ZNF106: variants seen among roughly 807,000 people sequenced by gnomAD.
The protein encoded by ZNF106 is zinc finger protein 106, also known as SH3-domain binding protein 3.
ZNF106 carries 67 observed loss-of-function variants against 195.1 expected under a neutral mutation model. The ratio of observed to expected loss-of-function variants is 0.34; its 90% CI spans 0.28 to 0.42. The LOEUF (loss-of-function observed/expected upper bound fraction) is 0.42, where lower values mean the gene tolerates loss of function less well. ZNF106 is among the 10% of genes least tolerant of loss of function. The pLI is 1.00. For synonymous variants in ZNF106, 784 were observed against 818.6 expected, an observed-to-expected ratio of 0.96 and a Z score of 0.72; for missense variants, 2,118 against 2,304.5, an observed-to-expected ratio of 0.92 and a Z score of 1.66.
At chr15:42,461,465 T>G (rs954853040) in intron 3 of ZNF106, among the ~76,000 whole-genome samples, 2 of 152,248 alleles carry the variant, frequency 1.3e-5, no homozygotes, top group African/African-American at 4.8e-5. Context: ...ACTCTCTCCA[T>G]AAGCTTTTCT....
chr15:42,457,046 C>T lies in ZNF106; in HGVS notation c.229G>A (p.Glu77Lys). ...HKDNVDAQER[E>K]DDGKGEEEEE... ...TCTTCCTCTCCTTTTCCATCATCTT[C>T]TCTTTCCTGGGCATCAACGTTATCT... The change falls in exon 4 of 22, where the codon GAA becomes AAA. Residue 77 changes from glutamate (E) to lysine (K), a missense_variant. By Grantham distance (56) the Glu-to-Lys change is moderately conservative (BLOSUM62 1). Transcript: ENST00000564754. 1 of 1,610,680 alleles carries T rather than the reference C, an allele frequency of 6.2e-7. No homozygotes were observed. The highest frequency in any genetic ancestry group is 8.5e-7 in the Non-Finnish European group (1 of 1,178,130).
Position 42,482,533 on chromosome 15 carries a change from T to G in ZNF106, c.-33+8447A>C, listed in dbSNP as rs866713650. On this transcript the variant is annotated intron_variant, in intron 1 of 21. Transcript: ENST00000564754. The stretch of plus-strand genomic sequence containing the variant: ...AGATGAAATCTCCAGTTTTTTTTTT[T>G]TTTTTTTTTTTTTGAGATGGAGTCT... 3.1e-4 allele frequency among the ~76,000 whole-genome samples: 43 copies of G among 138,964 alleles called. 1 individual carries two copies. The highest frequency in any genetic ancestry group is 5.7e-4 in the Non-Finnish European group (37 of 64,504). 91.2% of individuals were successfully genotyped at this position (138,964 alleles called of 152,430 possible).
chr15:42,477,496 T>G (rs1237961142), intron 1 of ZNF106, among the ~76,000 whole-genome samples: 1 of 152,190 alleles, frequency 6.6e-6, no homozygotes, highest in Non-Finnish European at 1.5e-5. Context: ...GTAGCTCACG[T>G]CTGTAATCCC....
At chr15:42,473,398 T>A (rs1315465453) in intron 1 of ZNF106, among the ~76,000 whole-genome samples, 1 of 152,216 alleles carries the variant, frequency 6.6e-6, no homozygotes, top group Non-Finnish European at 1.5e-5. Context: ...ATCATTCGCA[T>A]GCCCTCCCGT....
rs541253855 is a variant in ZNF106 at position 42,412,979 on chromosome 15, A to G, written c.*4325T>C. On this transcript the variant is annotated 3_prime_UTR_variant, in exon 22 of 22. Transcript: ENST00000564754. ...TCATCTGATTTCATTCTTCTAATCC[A>G]TATTCAATATTAAAAAAATCAGAAA... 7 of 152,278 alleles carry G rather than the reference A, an allele frequency of 4.6e-5. No homozygotes were observed. The highest frequency in any genetic ancestry group is 1.2e-4 in the African/African-American group (5 of 41,546). The allele number at this position is 152,278 out of a possible 1,614,324, so 9.4% of individuals were successfully genotyped here.
intron 14 of ZNF106, among the ~76,000 whole-genome samples, chr15:42,432,918 G>T (rs562342302): frequency 1.5e-3 from 226 of 152,050 alleles, no homozygotes; most frequent in South Asian, 5.0e-3. Flanking sequence ...AGACAACAAA[G>T]ATTTTGATGT....
intron 13 of ZNF106, among the ~76,000 whole-genome samples, chr15:42,437,031 G>A (rs1346421407): frequency 6.6e-6 from 1 of 152,214 alleles, no homozygotes; most frequent in Non-Finnish European, 1.5e-5. Context: ...GGTGATACCA[G>A]AGAAGGCAGA....
chr15:42,427,032 A>G (rs2054885423), intron 15 of ZNF106, among the ~76,000 whole-genome samples: 1 of 152,236 alleles, frequency 6.6e-6, no homozygotes, highest in Non-Finnish European at 1.5e-5. Context: ...CATGCAGCCT[A>G]TGAATGACAC....
Position 42,424,988 on chromosome 15 carries a change from G to C in ZNF106, c.5036C>G (p.Pro1679Arg), listed in dbSNP as rs1566996597. 6.2e-7 allele frequency: 1 copy of C among 1,614,178 alleles called. No homozygotes were observed. The highest frequency in any genetic ancestry group is 8.5e-7 in the Non-Finnish European group (1 of 1,180,024). The change falls in exon 16 of 22, where the codon CCT becomes CGT. Residue 1679 changes from proline to arginine, a missense_variant. By Grantham distance (103) the Pro-to-Arg change is moderately radical. Coordinates refer to ENST00000564754, the MANE Select transcript of ZNF106 (RefSeq NM_001366845.3). ...TGTAGCAAGACAGCTGACTGCCCGA[G>C]GGCCATGGCATTCAAAGATCTCAAG... ...KRLEIFECHG[P>R]RAVSCLATAQ...
intron 17 of ZNF106, 21 bp from the exon 18 acceptor site, chr15:42,422,641 G>A (rs2141263015): frequency 3.1e-6 from 5 of 1,588,172 alleles, no homozygotes; most frequent in Non-Finnish European, 3.4e-6. Context: ...AGAGAAGTAA[G>A]AGTCACCAGA....
intron 4 of ZNF106, among the ~76,000 whole-genome samples, chr15:42,452,605 C>G (rs936096662): frequency 6.6e-6 from 1 of 151,748 alleles, no homozygotes; most frequent in Admixed American, 6.6e-5. Context: ...GATTTTGTCC[C>G]TATCATCCAA....
At chr15:42,445,337 A>T (rs1177281373) in intron 7 of ZNF106, among the ~76,000 whole-genome samples, 2 of 152,146 alleles carry the variant, frequency 1.3e-5, no homozygotes, top group Non-Finnish European at 2.9e-5. Context: ...TTCACACAGG[A>T]CTTTTGCTTA....
intron 14 of ZNF106, among the ~76,000 whole-genome samples, chr15:42,434,808 T>A (rs949987415): frequency 6.6e-6 from 1 of 151,196 alleles, no homozygotes; most frequent in Admixed American, 6.6e-5. Context: ...AGCTTCGCTC[T>A]TGTTGCCAAG....
intron 2 of ZNF106, 68 bp downstream of exon 2, chr15:42,472,149 GTCTATTAATATTAATAACA>G: frequency 8.1e-7 from 1 of 1,239,192 alleles, no homozygotes; most frequent in Non-Finnish European, 1.1e-6. Flanking sequence ...AATAACATAT[GTCTATTAATATTAATAACA>G]TCTATTAATA....
At chr15:42,469,773 G>A (rs895550234) in intron 2 of ZNF106, among the ~76,000 whole-genome samples, 1 of 151,792 alleles carries the variant, frequency 6.6e-6, no homozygotes, top group South Asian at 2.1e-4. Context: ...GGGACACAGA[G>A]GTTGCAGTGA....
intron 3 of ZNF106, among the ~76,000 whole-genome samples, chr15:42,460,768 G>C (rs1362412977): frequency 6.6e-6 from 1 of 151,558 alleles, no homozygotes; most frequent in Admixed American, 6.6e-5. Flanking sequence ...GTTGAGGCAG[G>C]AGAATCGCTT....
intron 12 of ZNF106, among the ~76,000 whole-genome samples, chr15:42,438,045 A>C (rs940029259): frequency 1.3e-5 from 2 of 152,116 alleles, no homozygotes; most frequent in Non-Finnish European, 2.9e-5. Flanking sequence ...CTTAGAGCCA[A>C]TGAAACCTTA....
intron 15 of ZNF106, 24 bp downstream of exon 15, chr15:42,427,994 G>T: frequency 6.3e-7 from 1 of 1,588,598 alleles, no homozygotes; most frequent in Non-Finnish European, 8.6e-7. Flanking sequence ...TGGGAAGTAA[G>T]CCTTTTCTCC....
chr15:42,420,060 T>C lies in ZNF106; in HGVS notation c.5517+1001A>G, dbSNP rs181466638. Among the ~76,000 whole-genome samples the C allele has an allele frequency of 3.9e-5, 6 of 152,374 alleles. No individual in the cohort carries two copies. In the East Asian group the frequency reaches 5.8e-4, roughly 15 times the overall value. ...GAGGTATCTTCCCCATTTCTCTCTATAGATTAACTCTATTTGTGTACTCTG... is the reference window on the plus strand; with the variant it reads ...GAGGTATCTTCCCCATTTCTCTCTACAGATTAACTCTATTTGTGTACTCTG... On this transcript the variant is annotated intron_variant, in intron 20 of 21. Coordinates refer to ENST00000564754, the MANE Select transcript of ZNF106 (RefSeq NM_001366845.3).
Sources: allele counts gnomAD v4.1 joint callset (sites outside exome capture counted in the v4.1 genomes callset), GRCh38; gene constraint gnomAD v4.1.1; transcripts MANE v1.5; gene names NCBI Gene and HGNC (gene_info 2026-07-23, HGNC 2026-07-21).